The following ZNF704 variants were observed in gnomAD, a reference collection of about 807,000 sequenced individuals.
ZNF704 encodes glucocorticoid induced gene 1.
In ZNF704, 10 loss-of-function variants were observed where a neutral mutation model predicts 44.7. The ratio of observed to expected loss-of-function variants is 0.22; its 90% confidence interval spans 0.14 to 0.38. The LOEUF is 0.38. ZNF704 is among the 10% of genes least tolerant of loss of function. The pLI is 1.00. For missense variants in ZNF704, 390 were observed against 545.5 expected (o/e 0.71, Z 2.84); for synonymous variants, 211 against 207.6 (o/e 1.02, Z -0.14).
chr8:80,646,410 A>T (rs996408030), intron 7 of ZNF704, among the ~76,000 whole-genome samples: 1 of 151,686 alleles, frequency 6.6e-6, no homozygotes, highest in Non-Finnish European at 1.5e-5. Context: ...GGAGAGTTCA[A>T]GGGAGCAGTG....
rs776895957 is a variant in ZNF704 at position 80,659,655 on chromosome 8, T to G, written c.962A>C (p.Lys321Thr). Residue 321 changes from lysine to threonine, a missense_variant, in exon 7 of 9, where the codon AAG (lysine) becomes ACG (threonine). This residue lies in a region of ZNF704 where 305 missense variants were observed against 435.7 expected (regional missense o/e 0.70). Transcript: ENST00000327835. ...TPPVTIPGSA[K>T]FTPNGSSFSI... Reference sequence around the variant, plus strand: ...GAAGCTGCTGCCATTGGGGGTGAACTTGGCCGATCCTGGAATGGTCACAGG... The same window carrying G: ...GAAGCTGCTGCCATTGGGGGTGAACGTGGCCGATCCTGGAATGGTCACAGG... The G allele has an allele frequency of 1.9e-6, 3 of 1,614,006 alleles. No individual in the cohort carries two copies. Among genetic ancestry groups the G allele is most frequent in the South Asian group, 1.1e-5 (1 of 91,066 alleles).
At chr8:80,828,736 T>C (rs2129917384) in intron 1 of ZNF704, among the ~76,000 whole-genome samples, 1 of 152,322 alleles carries the variant, frequency 6.6e-6, no homozygotes, top group East Asian at 1.9e-4. Context: ...TGTTTGATAA[T>C]AGCAGAGACT....
chr8:80,871,789 A>G (rs1809256493), intron 1 of ZNF704, among the ~76,000 whole-genome samples: 1 of 152,246 alleles, frequency 6.6e-6, no homozygotes, highest in African/African-American at 2.4e-5. Context: ...CTTCAGATAC[A>G]GTGTCTTTAA....
chr8:80,770,076 C>T (rs1023254502), intron 2 of ZNF704, among the ~76,000 whole-genome samples: 123 of 152,160 alleles, frequency 8.1e-4, no homozygotes, highest in African/African-American at 2.9e-3. Flanking sequence ...GATGTATTCA[C>T]CATCATGAGA....
At chr8:80,672,103 C>T (rs892053388) in intron 4 of ZNF704, among the ~76,000 whole-genome samples, 20 of 151,926 alleles carry the variant, frequency 1.3e-4, no homozygotes, top group African/African-American at 4.8e-4. Context: ...AAAAAGTGGT[C>T]AAAGGACATG....
chr8:80,848,569 G>T lies in ZNF704; in HGVS notation c.-22+26002C>A, dbSNP rs1808805692. The stretch of plus-strand genomic sequence containing the variant: ...TTTAAAGTTTTAAAACCTAGACTGG[G>T]TGAGGTGGTTCATGCCTGTAATCCC... On this transcript the variant is annotated intron_variant, in intron 1 of 8. Coordinates refer to ENST00000327835, the MANE Select transcript of ZNF704 (RefSeq NM_001033723.3). Among the ~76,000 whole-genome samples the T allele has an allele frequency of 2.0e-5, 3 of 152,228 alleles. No homozygotes were observed. In the South Asian group the frequency reaches 6.2e-4, roughly 32 times the overall value.
In ZNF704 at chr8:80,870,963, C is replaced by T. The variant is rs905022289; in HGVS notation, c.-22+3608G>A. Among the ~76,000 whole-genome samples, 3 of 152,194 alleles carry T rather than the reference C, an allele frequency of 2.0e-5. No individual in the cohort carries two copies. The East Asian group carries it at 5.8e-4, about 29-fold the overall frequency. ...TCCTAATCTTAGTAAATGGTACCTT[C>T]AACCAACATTTACATCATGGTCTCA... On this transcript the variant is annotated intron_variant, in intron 1 of 8. Coordinates refer to ENST00000327835, the MANE Select transcript of ZNF704 (RefSeq NM_001033723.3).
intron 4 of ZNF704, among the ~76,000 whole-genome samples, chr8:80,685,366 C>CCT (rs570366169): frequency 5.2e-4 from 79 of 152,020 alleles, no homozygotes; most frequent in Non-Finnish European, 1.1e-3. Flanking sequence ...ATTGGGGTTC[C>CCT]CTGTACTGTG....
chr8:80,822,587 GT>G (rs2129888042), intron 1 of ZNF704, among the ~76,000 whole-genome samples: 1 of 152,286 alleles, frequency 6.6e-6, no homozygotes, highest in Non-Finnish European at 1.5e-5. Context: ...GGGTCATATG[GT>G]ATTTCTAGTT....
intron 2 of ZNF704, among the ~76,000 whole-genome samples, chr8:80,703,101 C>T (rs1409042813): frequency 1.3e-5 from 2 of 152,136 alleles, no homozygotes; most frequent in African/African-American, 4.8e-5. Flanking sequence ...GCAGGAAACA[C>T]CTGGCCCTCT....
At chr8:80,818,475 T>C (rs1808213045) in intron 2 of ZNF704, among the ~76,000 whole-genome samples, 1 of 152,192 alleles carries the variant, frequency 6.6e-6, no homozygotes, top group Non-Finnish European at 1.5e-5. Flanking sequence ...AGTATTTAAA[T>C]ATAACCTAGC....
At position 80,829,002 on chromosome 8, in the gene ZNF704, T is replaced by C. The variant is rs530562412; in HGVS notation, c.-21-7387A>G. 2.6e-5 allele frequency among the ~76,000 whole-genome samples: 4 copies of C among 152,334 alleles called. No homozygotes were observed. In the South Asian group the frequency reaches 8.3e-4, roughly 32 times the overall value. On this transcript the variant is annotated intron_variant, in intron 1 of 8. Transcript: ENST00000327835. ...TCCCATAGTTTTCCTGTCAGACATA[T>C]ACCCAGCTCCACAGGAAGATTGTCA...
chr8:80,869,521 TC>T (rs1809213432), intron 1 of ZNF704, among the ~76,000 whole-genome samples: 1 of 152,190 alleles, frequency 6.6e-6, no homozygotes, highest in Non-Finnish European at 1.5e-5. Context: ...CCATCTTCTC[TC>T]CAATCTAATG....
intron 2 of ZNF704, among the ~76,000 whole-genome samples, chr8:80,790,946 G>A (rs1291913497): frequency 6.6e-6 from 1 of 152,134 alleles, no homozygotes; most frequent in Non-Finnish European, 1.5e-5. Context: ...CATTGCCAGG[G>A]CCATGTCTCA....
intron 5 of ZNF704, among the ~76,000 whole-genome samples, chr8:80,666,399 A>G (rs1381436965): frequency 2.0e-5 from 3 of 151,880 alleles, no homozygotes; most frequent in Non-Finnish European, 2.9e-5. Context: ...AGTCTTTGCT[A>G]TTGTGAATAA....
chr8:80,711,943 T>A (rs563128145), intron 2 of ZNF704, among the ~76,000 whole-genome samples: 9 of 152,196 alleles, frequency 5.9e-5, no homozygotes, highest in African/African-American at 2.2e-4. Flanking sequence ...TTGTGAAAAG[T>A]AGTACATTGA....
intron 2 of ZNF704, among the ~76,000 whole-genome samples, chr8:80,788,297 CT>C (rs1807647865): frequency 6.6e-6 from 1 of 152,148 alleles, no homozygotes; most frequent in African/African-American, 2.4e-5. Flanking sequence ...AAATGCAGAA[CT>C]TTTAACAACA....
intron 7 of ZNF704, among the ~76,000 whole-genome samples, chr8:80,650,701 G>T (rs1055403411): frequency 4.6e-5 from 7 of 152,326 alleles, no homozygotes; most frequent in Admixed American, 1.3e-4. Context: ...TGGTGTACCC[G>T]AAAGTGACAG....
intron 3 of ZNF704, 81 bp from the exon 4 acceptor site, chr8:80,687,539 C>A: frequency 1.8e-6 from 2 of 1,129,578 alleles, no homozygotes; most frequent in South Asian, 3.3e-5. Context: ...AGCCTTGGTT[C>A]TACACCAGTG....
Sources: gnomAD v4.1 joint callset for allele counts (sites outside exome capture counted in the v4.1 genomes callset) on GRCh38, gnomAD v4.1.1 for gene constraint, gnomAD v4.1.1 regional missense constraint, MANE v1.5 for transcripts, NCBI Gene and HGNC (gene_info 2026-07-23, HGNC 2026-07-21) for gene names.